Variants in KCNIP4 observed in about 807,000 individuals in gnomAD.
KCNIP4 encodes the protein Kv channel-interacting protein 4.
A neutral mutation model predicts 34.0 loss-of-function variants in KCNIP4; 12 were observed. The ratio of observed to expected loss-of-function variants is 0.35; its 90% confidence interval spans 0.23 to 0.57. The LOEUF is 0.57. Among genes scored for constraint, KCNIP4 ranks in the 20% least tolerant of loss-of-function variants. The pLI is 0.83. For synonymous variants in KCNIP4, 124 were observed against 102.2 expected, an observed-to-expected ratio of 1.21 and a Z score of -1.29; for missense variants, 238 against 311.7, an observed-to-expected ratio of 0.76 and a Z score of 1.78.
chr4:21,397,370 A>T (rs543968968), intron 1 of KCNIP4, among the ~76,000 whole-genome samples: 85 of 152,300 alleles, frequency 5.6e-4, no homozygotes, highest in Admixed American at 9.8e-4. Flanking sequence ...TTTTCCATGA[A>T]TAATATCATC....
At chr4:21,641,429 G>A (rs1427463367) in intron 1 of KCNIP4, among the ~76,000 whole-genome samples, 4 of 152,192 alleles carry the variant, frequency 2.6e-5, no homozygotes, top group Non-Finnish European at 5.9e-5. Context: ...GCAGAACCCC[G>A]AGTAGTGCAT....
At chr4:21,554,310 G>C (rs1738810490) in intron 1 of KCNIP4, among the ~76,000 whole-genome samples, 1 of 152,096 alleles carries the variant, frequency 6.6e-6, no homozygotes, top group African/African-American at 2.4e-5. Context: ...CAGCAGCAGG[G>C]AAAGAGAGCA....
intron 1 of KCNIP4, among the ~76,000 whole-genome samples, chr4:21,252,412 C>A (rs901888125): frequency 1.3e-5 from 2 of 152,042 alleles, no homozygotes; most frequent in African/African-American, 4.8e-5. Flanking sequence ...AGGTGTGAGC[C>A]CCTTCCCTCG....
At chr4:21,434,392 T>A (rs1726764001) in intron 1 of KCNIP4, among the ~76,000 whole-genome samples, 1 of 151,984 alleles carries the variant, frequency 6.6e-6, no homozygotes, top group African/African-American at 2.4e-5. Context: ...CTAAGAAAAA[T>A]TAATAGTAAG....
intron 4 of KCNIP4, among the ~76,000 whole-genome samples, chr4:20,756,147 G>A (rs566027510): frequency 6.6e-6 from 1 of 151,546 alleles, no homozygotes; most frequent in South Asian, 2.1e-4. Flanking sequence ...AGGAGATAAC[G>A]GTGGCTCCTT....
At chr4:21,922,791 T>A (rs1729005623) in intron 1 of KCNIP4, among the ~76,000 whole-genome samples, 1 of 152,188 alleles carries the variant, frequency 6.6e-6, no homozygotes, top group Non-Finnish European at 1.5e-5. Context: ...TACATATAAA[T>A]GAGTCAGAGG....
At position 20,853,473 on chromosome 4, in the gene KCNIP4, C is replaced by A. The variant is rs964868709; in HGVS notation, c.164-2806G>T. ...AATGAAACTGGGTCCTCTTCTCTCA[C>A]CTTATACAAAAATCAACTCAAGATG... On this transcript the variant is annotated intron_variant, in intron 2 of 8. Transcript: ENST00000382152. Among the ~76,000 whole-genome samples, 7 of 152,246 alleles carry A rather than the reference C, an allele frequency of 4.6e-5. No homozygotes were observed. In the South Asian group the frequency reaches 1.0e-3, roughly 23 times the overall value.
chr4:21,448,704 A>G (rs777606775), intron 1 of KCNIP4, among the ~76,000 whole-genome samples: 1 of 152,118 alleles, frequency 6.6e-6, no homozygotes, highest in Non-Finnish European at 1.5e-5. Context: ...GGCCAAGGGT[A>G]TGGAGGGACA....
At chr4:20,838,853 CT>C (rs1213813718) in intron 3 of KCNIP4, among the ~76,000 whole-genome samples, 1 of 152,154 alleles carries the variant, frequency 6.6e-6, no homozygotes, top group African/African-American at 2.4e-5. Context: ...ATCTTGAAGT[CT>C]TTAGAAAGAC....
At chr4:21,156,921 A>C (rs1327282872) in intron 1 of KCNIP4, among the ~76,000 whole-genome samples, 2 of 152,190 alleles carry the variant, frequency 1.3e-5, no homozygotes, top group Non-Finnish European at 2.9e-5. Context: ...CATTTGCTTT[A>C]AGGAATTCAA....
At chr4:20,763,754 TCTCA>T (rs1755150184) in intron 3 of KCNIP4, among the ~76,000 whole-genome samples, 1 of 152,178 alleles carries the variant, frequency 6.6e-6, no homozygotes, top group Admixed American at 6.6e-5. Flanking sequence ...AAAGATGGGA[TCTCA>T]CTATGTTGCC....
At chr4:20,744,287 C>A (rs980771256) in intron 5 of KCNIP4, among the ~76,000 whole-genome samples, 1 of 152,184 alleles carries the variant, frequency 6.6e-6, no homozygotes, top group Admixed American at 6.5e-5. Flanking sequence ...ATAAATCATG[C>A]TGCTTTAAAG....
At chr4:21,201,286 A>T (rs1031547552) in intron 1 of KCNIP4, among the ~76,000 whole-genome samples, 1 of 152,204 alleles carries the variant, frequency 6.6e-6, no homozygotes, top group Admixed American at 6.5e-5. Flanking sequence ...TGCTACAATC[A>T]AGAGGTTGAC....
intron 1 of KCNIP4, among the ~76,000 whole-genome samples, chr4:21,237,952 T>C (rs1301842898): frequency 1.3e-5 from 2 of 152,280 alleles, no homozygotes; most frequent in East Asian, 1.9e-4. Context: ...ACCAATATCC[T>C]TGATGAACAT....
chr4:21,290,156 G>A (rs1011698273), intron 1 of KCNIP4, among the ~76,000 whole-genome samples: 8 of 152,054 alleles, frequency 5.3e-5, no homozygotes, highest in African/African-American at 1.9e-4. Flanking sequence ...ACTTGAAGTT[G>A]AAAAATGACT....
chr4:21,091,673 C>A (rs11945692), intron 1 of KCNIP4, among the ~76,000 whole-genome samples: 25,590 of 152,130 alleles, frequency 0.17, 2,234 homozygotes, highest in East Asian at 0.24. Flanking sequence ...AGTCCAAAAT[C>A]TGTGCCAGCA....
chr4:21,133,223 G>A (rs1364957158), intron 1 of KCNIP4, among the ~76,000 whole-genome samples: 1 of 152,092 alleles, frequency 6.6e-6, no homozygotes, highest in Non-Finnish European at 1.5e-5. Context: ...ACAATCAAAA[G>A]TTGCCTACTT....
At chr4:21,842,232 C>T (rs1191609610) in intron 1 of KCNIP4, among the ~76,000 whole-genome samples, 4 of 151,992 alleles carry the variant, frequency 2.6e-5, no homozygotes, top group Non-Finnish European at 5.9e-5. Context: ...TTTTTAAATG[C>T]CTACCATATA....
intron 1 of KCNIP4, among the ~76,000 whole-genome samples, chr4:21,658,053 T>C (rs1748114678): frequency 6.6e-6 from 1 of 152,192 alleles, no homozygotes; most frequent in Admixed American, 6.5e-5. Flanking sequence ...TTGGCCAGGA[T>C]TGTCTCAATC....
Sources: gnomAD v4.1 joint callset for allele counts (sites outside exome capture counted in the v4.1 genomes callset) on GRCh38, gnomAD v4.1.1 for gene constraint, MANE v1.5 for transcripts, NCBI Gene and HGNC (gene_info 2026-07-23, HGNC 2026-07-21) for gene names.